The following PCDHA11 variants were observed in gnomAD, a reference collection of about 807,000 sequenced individuals.
PCDHA11 encodes protocadherin alpha-11.
Under a neutral mutation model 70.3 loss-of-function variants are expected in PCDHA11, and 61 were observed. That is an observed-to-expected ratio of 0.87 (90% confidence interval 0.71 to 1.07). The LOEUF (loss-of-function observed/expected upper bound fraction) is 1.07. Among genes scored for constraint, PCDHA11 ranks in the 50% least tolerant of loss-of-function variants. The pLI, the probability that PCDHA11 is intolerant of heterozygous loss-of-function variation, is 0.00. For missense variants in PCDHA11, 1,324 were observed against 1,237.5 expected (o/e 1.07, Z -1.05); for synonymous variants, 633 against 555.1 (o/e 1.14, Z -1.97).
intron 1 of PCDHA11, among the ~76,000 whole-genome samples, chr5:140,963,902 A>G (rs1227304928): frequency 6.6e-6 from 1 of 152,218 alleles, no homozygotes; most frequent in Non-Finnish European, 1.5e-5. Flanking sequence ...AAATGAGTAA[A>G]GTGAAGCTTA....
chr5:140,906,702 T>C (rs1315678574), intron 1 of PCDHA11, among the ~76,000 whole-genome samples: 2 of 152,232 alleles, frequency 1.3e-5, no homozygotes, highest in African/African-American at 2.4e-5. Context: ...GGGCCATTTG[T>C]AGTCCTGCCT....
At chr5:140,944,335 G>A (rs1196825895) in intron 1 of PCDHA11, among the ~76,000 whole-genome samples, 1 of 151,986 alleles carries the variant, frequency 6.6e-6, no homozygotes, top group African/African-American at 2.4e-5. Context: ...TTACAAGCAC[G>A]TGCCACCACA....
rs557916636 is a variant in PCDHA11, at chr5:141,000,518, C to G, written c.2540-9109C>G. The stretch of plus-strand genomic sequence containing the variant: ...TCTCGGCTCACTGCAACCTCCTTCT[C>G]CAGGGTTCAAGTGATTCTCATGCCT... On this transcript the variant is annotated intron_variant, in intron 3 of 3. Transcript: ENST00000398640. Among the ~76,000 whole-genome samples the G allele has an allele frequency of 6.9e-4, 100 of 144,062 alleles. 3 individuals are homozygous for G. In the South Asian group the frequency reaches 0.021, roughly 31 times the overall value. 94.5% of individuals were successfully genotyped at this position (144,062 alleles called of 152,430 possible). A position where few individuals can be genotyped will look rare whatever the true frequency, so the allele number is the denominator to read the frequency against.
chr5:140,975,686 A>G (rs558112597), intron 1 of PCDHA11, among the ~76,000 whole-genome samples: 1 of 152,328 alleles, frequency 6.6e-6, no homozygotes, highest in East Asian at 1.9e-4. Flanking sequence ...AAAATAGGGT[A>G]TTTTAAACTT....
At position 140,870,533 on chromosome 5, in the gene PCDHA11, C is replaced by A. The variant is rs1185177447; in HGVS notation, c.1430C>A (p.Ser477Ter). The A allele has an allele frequency of 1.9e-6, 3 of 1,614,050 alleles. No individual in the cohort carries two copies. The African/African-American group carries it at 4.0e-5, about 22-fold the overall frequency. Reference protein sequence around the residue: ...NPPGCHIFTVSARDADAQENA... With the variant: ...NPPGCHIFTV ...CCAGGCTGCCACATCTTCACAGTGTCGGCGCGGGACGCGGACGCGCAGGAG... is the reference window on the plus strand; with the variant it reads ...CCAGGCTGCCACATCTTCACAGTGTAGGCGCGGGACGCGGACGCGCAGGAG... The change falls in exon 1 of 4, where the codon TCG becomes TAG. Residue 477 changes from serine to a stop codon, truncating the protein, a stop_gained. Transcript: ENST00000398640. LOFTEE classifies it high-confidence loss of function.
chr5:140,948,385 T>A (rs909867343), intron 1 of PCDHA11, among the ~76,000 whole-genome samples: 4 of 151,622 alleles, frequency 2.6e-5, no homozygotes, highest in Admixed American at 2.6e-4. Flanking sequence ...TTCCTCTATT[T>A]TCTGAAAGGT....
chr5:140,999,295 T>G (rs1554256739), intron 3 of PCDHA11, among the ~76,000 whole-genome samples: 1 of 152,238 alleles, frequency 6.6e-6, no homozygotes, highest in Non-Finnish European at 1.5e-5. Context: ...ATTCTTTATT[T>G]CAGAATTTCT....
At chr5:140,877,828 C>T (rs781916987) in intron 1 of PCDHA11, 19 of 1,599,838 alleles carry the variant, frequency 1.2e-5, no homozygotes, top group Non-Finnish European at 1.5e-5. Flanking sequence ...TTGTTTAAAT[C>T]CTCCCAGTGA....
At chr5:140,882,621 A>T (rs374336585) in intron 1 of PCDHA11, 1 of 1,614,094 alleles carries the variant, frequency 6.2e-7, no homozygotes, top group African/African-American at 1.3e-5. Context: ...CAGGTTTTCC[A>T]TGTGGAGGTG....
chr5:140,895,447 G>T (rs1188860605), intron 1 of PCDHA11, among the ~76,000 whole-genome samples: 1 of 152,060 alleles, frequency 6.6e-6, no homozygotes, highest in South Asian at 2.1e-4. Flanking sequence ...CTTTTCATGT[G>T]CTTATTGGTC....
At chr5:140,979,399 G>T (rs1352440599) in intron 2 of PCDHA11, among the ~76,000 whole-genome samples, 1 of 151,708 alleles carries the variant, frequency 6.6e-6, no homozygotes. Flanking sequence ...CATACATGTT[G>T]TCTACCTTGT....
chr5:140,877,201 G>T, intron 1 of PCDHA11: 1 of 1,613,830 alleles, frequency 6.2e-7, no homozygotes, highest in South Asian at 1.1e-5. Flanking sequence ...AGGAGGCGCA[G>T]TTAGCGAGTT....
intron 2 of PCDHA11, 157 bp from the exon 3 acceptor site, chr5:140,982,318 G>C (rs2096977750): frequency 6.6e-6 from 9 of 1,356,910 alleles, no homozygotes; most frequent in Non-Finnish European, 8.8e-6. Flanking sequence ...AGTTTATGCA[G>C]GGTGACTGCT....
At chr5:140,880,514 TC>T (rs1459255635) in intron 1 of PCDHA11, among the ~76,000 whole-genome samples, 1 of 152,198 alleles carries the variant, frequency 6.6e-6, no homozygotes, top group Non-Finnish European at 1.5e-5. Context: ...TTTGGTCACA[TC>T]TCTCAATGTG....
intron 1 of PCDHA11, chr5:140,967,145 A>C: frequency 1.2e-6 from 2 of 1,610,892 alleles, no homozygotes; most frequent in Non-Finnish European, 8.5e-7. Context: ...GCTGGCGCAC[A>C]ACCCCGTGGC....
At chr5:141,005,228 C>G (rs974482410) in intron 3 of PCDHA11, among the ~76,000 whole-genome samples, 11 of 152,182 alleles carry the variant, frequency 7.2e-5, no homozygotes, top group Admixed American at 2.0e-4. Flanking sequence ...TACTAAACAC[C>G]TGTTATGGGC....
rs530240100 is a variant in PCDHA11 at position 140,875,788 on chromosome 5, C to T, written c.2391+4294C>T. 5 of 1,614,194 alleles carry T rather than the reference C, an allele frequency of 3.1e-6. No individual in the cohort carries two copies. In the Admixed American group the frequency reaches 5.0e-5, roughly 16 times the overall value. The stretch of plus-strand genomic sequence containing the variant: ...GCGGAGCGCGGAGTGCAGTATCCAC[C>T]TGGAGGTGATCGTGGACAGGCCGCT... On this transcript the variant is annotated intron_variant, in intron 1 of 3. Coordinates refer to ENST00000398640, the MANE Select transcript of PCDHA11 (RefSeq NM_018902.5).
At chr5:140,997,636 A>G (rs2097777002) in intron 3 of PCDHA11, among the ~76,000 whole-genome samples, 2 of 151,964 alleles carry the variant, frequency 1.3e-5, no homozygotes, top group African/African-American at 4.8e-5. Flanking sequence ...AAAAAGCAAA[A>G]TGGGATAATG....
At chr5:140,995,082 C>G (rs145784301) in intron 3 of PCDHA11, among the ~76,000 whole-genome samples, 5 of 152,334 alleles carry the variant, frequency 3.3e-5, no homozygotes, top group Admixed American at 3.3e-4. Context: ...GCAATCCAAA[C>G]TTATCTGTGG....
Sources: gnomAD v4.1 joint callset for allele counts (sites outside exome capture counted in the v4.1 genomes callset) on GRCh38, gnomAD v4.1.1 for gene constraint, MANE v1.5 for transcripts, NCBI Gene and HGNC (gene_info 2026-07-23, HGNC 2026-07-21) for gene names.